The following CADPS2 variants were observed in gnomAD, a reference collection of about 807,000 sequenced individuals.
CADPS2 encodes the protein calcium dependent secretion activator 2.
CADPS2 carries 93 observed loss-of-function variants against 172.5 expected under a neutral mutation model. The observed-to-expected ratio is 0.54, with a 90% CI of 0.46 to 0.64. The LOEUF (loss-of-function observed/expected upper bound fraction) is 0.64, where lower values mean the gene tolerates loss of function less well. Ranked by LOEUF, CADPS2 falls within the 30% of genes least tolerant of loss-of-function variation. The pLI is 0.00. For missense variants in CADPS2, 1,420 were observed against 1,565.9 expected, an observed-to-expected ratio of 0.91 and a Z score of 1.57; for synonymous variants, 546 against 555.2, an observed-to-expected ratio of 0.98 and a Z score of 0.23.
intron 25 of CADPS2, among the ~76,000 whole-genome samples, chr7:122,374,036 T>C (rs888553071): frequency 1.3e-5 from 2 of 152,052 alleles, no homozygotes; most frequent in African/African-American, 4.8e-5. Context: ...CAACAGCACA[T>C]TAAAAAATCA....
At chr7:122,557,001 T>C (rs28450014) in intron 7 of CADPS2, among the ~76,000 whole-genome samples, 1 of 152,068 alleles carries the variant, frequency 6.6e-6, no homozygotes, top group Admixed American at 6.6e-5. Flanking sequence ...TAATTCCCTA[T>C]GTTATGTTCC....
At chr7:122,601,291 C>T (rs781699985) in intron 6 of CADPS2, among the ~76,000 whole-genome samples, 8 of 151,868 alleles carry the variant, frequency 5.3e-5, no homozygotes, top group South Asian at 2.1e-4. Context: ...AGCTATATTA[C>T]GGCAAAAAAG....
chr7:122,476,844 C>T (rs1243417013), intron 12 of CADPS2, among the ~76,000 whole-genome samples: 1 of 152,018 alleles, frequency 6.6e-6, no homozygotes, highest in Admixed American at 6.6e-5. Context: ...TACATCAGAT[C>T]AGCACCATTT....
chr7:122,436,429 G>T lies in CADPS2; in HGVS notation c.2476+1912C>A, dbSNP rs760899076. ...TAGGAGAAAAGCAAACTCTACCCTT[G>T]TCGTTCATATAATGTAAAAGGCCAC... On this transcript the variant is annotated intron_variant, in intron 17 of 29. Transcript: ENST00000449022. The T allele has an allele frequency of 2.5e-4, 289 of 1,158,410 alleles. 2 individuals are homozygous for T. The highest frequency in any genetic ancestry group is 5.2e-5 in the Non-Finnish European group (46 of 886,564). 71.8% of individuals were successfully genotyped at this position (1,158,410 alleles called of 1,614,324 possible). A position where few individuals can be genotyped will look rare whatever the true frequency, so the allele number is the denominator to read the frequency against.
At chr7:122,573,193 G>A (rs1187013527) in intron 7 of CADPS2, among the ~76,000 whole-genome samples, 1 of 151,926 alleles carries the variant, frequency 6.6e-6, no homozygotes, top group Admixed American at 6.6e-5. Flanking sequence ...CTCCCTCCTT[G>A]GCATACCCCA....
intron 5 of CADPS2, 45 bp downstream of exon 5, chr7:122,621,436 C>T: frequency 3.3e-6 from 4 of 1,222,598 alleles, no homozygotes; most frequent in Non-Finnish European, 4.7e-6. Flanking sequence ...TATTGTGCAT[C>T]ATCATTTATG....
At chr7:122,406,628 G>A (rs930890980) in intron 20 of CADPS2, among the ~76,000 whole-genome samples, 5 of 152,178 alleles carry the variant, frequency 3.3e-5, no homozygotes, top group African/African-American at 4.8e-5. Flanking sequence ...CAATGGGCAC[G>A]AAAACCCTAT....
intron 9 of CADPS2, among the ~76,000 whole-genome samples, chr7:122,501,658 G>C (rs937977955): frequency 6.6e-6 from 1 of 151,818 alleles, no homozygotes; most frequent in African/African-American, 2.4e-5. Flanking sequence ...GACCATCCTG[G>C]CTAACACCGT....
At chr7:122,482,367 G>A (rs1283259319) in intron 11 of CADPS2, among the ~76,000 whole-genome samples, 2 of 152,066 alleles carry the variant, frequency 1.3e-5, no homozygotes, top group Non-Finnish European at 2.9e-5. Context: ...TACCTAGTGG[G>A]TAGAGGACAG....
chr7:122,355,655 T>A (rs74478837), intron 27 of CADPS2, among the ~76,000 whole-genome samples: 21,462 of 152,092 alleles, frequency 0.14, 1,570 homozygotes, highest in Non-Finnish European at 0.15. Flanking sequence ...GAAAATTTTT[T>A]CTAGCTCTTT....
At chr7:122,834,367 G>A (rs1056867694) in intron 1 of CADPS2, among the ~76,000 whole-genome samples, 3 of 152,230 alleles carry the variant, frequency 2.0e-5, no homozygotes, top group East Asian at 1.9e-4. Context: ...CAGCGTGAGC[G>A]ACACGGGTAA....
chr7:122,587,444 C>A (rs895032053), intron 6 of CADPS2, among the ~76,000 whole-genome samples: 2 of 152,088 alleles, frequency 1.3e-5, no homozygotes, highest in Non-Finnish European at 2.9e-5. Flanking sequence ...AGGACATGAT[C>A]TCATTCCTTT....
chr7:122,639,926 T>C (rs1291338929), intron 3 of CADPS2, among the ~76,000 whole-genome samples: 2 of 152,134 alleles, frequency 1.3e-5, no homozygotes, highest in African/African-American at 4.8e-5. Context: ...CAAGTGTGTA[T>C]CTATAGCACG....
chr7:122,389,168 T>C (rs2044060938), intron 22 of CADPS2, among the ~76,000 whole-genome samples: 1 of 152,000 alleles, frequency 6.6e-6, no homozygotes, highest in Non-Finnish European at 1.5e-5. Context: ...TCTGTCACCA[T>C]GGTGGTTTCT....
chr7:122,364,103 T>C (rs899385813), intron 25 of CADPS2, among the ~76,000 whole-genome samples: 4 of 152,154 alleles, frequency 2.6e-5, no homozygotes, highest in Admixed American at 2.0e-4. Context: ...CCATATGCAA[T>C]GTGCCCAGCA....
chr7:122,515,835 AAATAAT>A (rs137879621), intron 8 of CADPS2, among the ~76,000 whole-genome samples: 4 of 148,330 alleles, frequency 2.7e-5, no homozygotes, highest in African/African-American at 7.4e-5. Context: ...ATTAATTAAA[AAATAAT>A]AATAATTATA....
intron 17 of CADPS2, among the ~76,000 whole-genome samples, chr7:122,428,327 A>G (rs886847209): frequency 1.1e-4 from 16 of 152,250 alleles, no homozygotes; most frequent in African/African-American, 3.1e-4. Flanking sequence ...CTTTAACACC[A>G]TGCACTCAAG....
intron 14 of CADPS2, among the ~76,000 whole-genome samples, chr7:122,467,006 T>C (rs1489713150): frequency 6.6e-6 from 1 of 152,178 alleles, no homozygotes; most frequent in Admixed American, 6.6e-5. Flanking sequence ...TGAGTATAAA[T>C]ATTGCTAGGA....
intron 2 of CADPS2, among the ~76,000 whole-genome samples, chr7:122,733,109 A>C (rs2091843196): frequency 6.6e-6 from 1 of 151,678 alleles, no homozygotes; most frequent in Non-Finnish European, 1.5e-5. Flanking sequence ...AGATCATAGA[A>C]TCACAGAATA....
Sources: allele counts gnomAD v4.1 joint callset (sites outside exome capture counted in the v4.1 genomes callset), GRCh38; gene constraint gnomAD v4.1.1; transcripts MANE v1.5; gene names NCBI Gene and HGNC (gene_info 2026-07-23, HGNC 2026-07-21).